LRRC37A2: variants seen among roughly 807,000 people sequenced by gnomAD.
LRRC37A2 encodes leucine rich repeat containing 37 member A2, also known as leucine-rich repeat-containing protein 37A2.
In LRRC37A2, 9 loss-of-function variants were observed where a neutral mutation model predicts 68.8. That is an observed-to-expected ratio of 0.13 (90% confidence interval 0.08 to 0.23). The LOEUF (loss-of-function observed/expected upper bound fraction) is 0.23, where lower values mean the gene tolerates loss of function less well. Among genes scored for constraint, LRRC37A2 ranks in the 10% least tolerant of loss-of-function variants. LRRC37A2 has a pLI of 1.00. For missense variants in LRRC37A2, 168 were observed against 950.4 expected, an observed-to-expected ratio of 0.18 and a Z score of 10.82; for synonymous variants, 63 against 367.6, an observed-to-expected ratio of 0.17 and a Z score of 9.48.
At chr17:46,801,854 C>T in the LRRC37A2 span, among the ~76,000 whole-genome samples, 1 of 152,140 alleles carries the variant, frequency 6.6e-6, no homozygotes, top group African/African-American at 2.4e-5. Context: ...AAGCCTTCTT[C>T]CCGATGCTGT....
At chr17:47,013,848 A>C in the LRRC37A2 span, among the ~76,000 whole-genome samples, 1 of 152,250 alleles carries the variant, frequency 6.6e-6, no homozygotes, top group Non-Finnish European at 1.5e-5. Flanking sequence ...ACTCAAGAGT[A>C]ACAGGGCTGG....
chr17:46,956,206 T>TA, the LRRC37A2 span, among the ~76,000 whole-genome samples: 14 of 151,628 alleles, frequency 9.2e-5, no homozygotes, highest in Middle Eastern at 3.4e-3. Context: ...TGCAAGGGTT[T>TA]AACTCAGATC....
At chr17:46,976,418 G>A in the LRRC37A2 span, among the ~76,000 whole-genome samples, 13 of 151,724 alleles carry the variant, frequency 8.6e-5, 1 homozygote, top group Admixed American at 3.9e-4. Flanking sequence ...ATGGTGGCGC[G>A]CGCCCATAAT....
chr17:46,879,503 TA>T, the LRRC37A2 span, among the ~76,000 whole-genome samples: 17 of 152,366 alleles, frequency 1.1e-4, no homozygotes, highest in African/African-American at 4.1e-4. Context: ...CTGGCATTTG[TA>T]AAGCACTTTG....
chr17:46,853,133 C>T, the LRRC37A2 span, among the ~76,000 whole-genome samples: 1 of 152,088 alleles, frequency 6.6e-6, no homozygotes, highest in African/African-American at 2.4e-5. Context: ...ATGGTTGTTC[C>T]CTCGGCAGGC....
At chr17:46,724,269 G>T in the LRRC37A2 span, among the ~76,000 whole-genome samples, 3 of 152,196 alleles carry the variant, frequency 2.0e-5, no homozygotes. Context: ...GAGTTATGCT[G>T]CATGAAAGGA....
At chr17:46,925,112 T>C in the LRRC37A2 span, among the ~76,000 whole-genome samples, 1 of 152,182 alleles carries the variant, frequency 6.6e-6, no homozygotes, top group African/African-American at 2.4e-5. Context: ...CCTTGGACTC[T>C]AGCAGCTTGC....
chr17:46,574,979 C>T, the LRRC37A2 span, among the ~76,000 whole-genome samples: 1 of 64,220 alleles, frequency 1.6e-5, no homozygotes, highest in African/African-American at 5.4e-5. Flanking sequence ...GTCTGTAATT[C>T]CACCTACTCA....
the LRRC37A2 span, among the ~76,000 whole-genome samples, chr17:46,985,993 G>T: frequency 6.6e-6 from 1 of 152,142 alleles, no homozygotes; most frequent in Non-Finnish European, 1.5e-5. Flanking sequence ...TAATACCTAC[G>T]TTCTCCAAAC....
At chr17:46,903,357 A>G in the LRRC37A2 span, among the ~76,000 whole-genome samples, 2 of 151,774 alleles carry the variant, frequency 1.3e-5, no homozygotes, top group African/African-American at 4.8e-5. Context: ...CAGTCCCCAG[A>G]TGTGTGGTAG....
In LRRC37A2 at chr17:46,547,149, T is replaced by C. The variant is rs1473459566; in HGVS notation, c.3172+776T>C. On this transcript the variant is annotated intron_variant, in intron 9 of 14. Transcript: ENST00000576629. ...TACATAAAGTCAGTGTTGCTTATTT[T>C]TCAAAACTTTTTTTTTTTTTTTTTT... is the stretch of plus-strand genomic sequence containing the variant. 3 of 63,092 alleles carry C rather than the reference T, an allele frequency of 4.8e-5. 1 individual carries two copies. Among genetic ancestry groups the C allele is most frequent in the Non-Finnish European group, 1.0e-4 (3 of 29,994 alleles). 3.9% of individuals were successfully genotyped at this position (63,092 alleles called of 1,614,324 possible). A position where few individuals can be genotyped will look rare whatever the true frequency, so the allele number is the denominator to read the frequency against.
chr17:46,900,180 T>TATATATATATACACAC, the LRRC37A2 span, among the ~76,000 whole-genome samples: 1 of 117,234 alleles, frequency 8.5e-6, no homozygotes, highest in Admixed American at 8.1e-5. Context: ...TATATATATA[T>TATATATATATACACAC]ATATATATAT....
the LRRC37A2 span, chr17:46,978,629 C>A: frequency 1.8e-5 from 28 of 1,574,378 alleles, no homozygotes; most frequent in Non-Finnish European, 2.4e-5. Context: ...CTGGCGAGGG[C>A]GGACCCAGAT....
chr17:46,849,773 C>T, the LRRC37A2 span, among the ~76,000 whole-genome samples: 1 of 152,104 alleles, frequency 6.6e-6, no homozygotes, highest in East Asian at 1.9e-4. Context: ...GTTGTAAACA[C>T]CATCACACCC....
chr17:46,813,073 A>G, the LRRC37A2 span, among the ~76,000 whole-genome samples: 8 of 152,026 alleles, frequency 5.3e-5, no homozygotes, highest in Non-Finnish European at 8.8e-5. Context: ...TGGAAGTGCA[A>G]GCAGGTTGGC....
At chr17:46,766,964 GA>G in the LRRC37A2 span, among the ~76,000 whole-genome samples, 1 of 152,284 alleles carries the variant, frequency 6.6e-6, no homozygotes, top group East Asian at 1.9e-4. Flanking sequence ...CCAGGTCTAT[GA>G]AGAATTTCTT....
chr17:46,755,413 C>T, the LRRC37A2 span: 3 of 1,463,254 alleles, frequency 2.1e-6, no homozygotes, highest in Non-Finnish European at 2.9e-6. Context: ...AAACTTACCA[C>T]CCTGTTAAAT....
chr17:46,986,595 G>A, the LRRC37A2 span, among the ~76,000 whole-genome samples: 1 of 152,210 alleles, frequency 6.6e-6, no homozygotes, highest in Non-Finnish European at 1.5e-5. Context: ...GTCACAACAA[G>A]GGAATGTAGC....
the LRRC37A2 span, among the ~76,000 whole-genome samples, chr17:46,720,991 A>C: frequency 6.6e-6 from 1 of 152,306 alleles, no homozygotes; most frequent in Non-Finnish European, 1.5e-5. Flanking sequence ...CCTGTCCCAC[A>C]CACAGGTGGC....
Sources: allele counts gnomAD v4.1 joint callset (sites outside exome capture counted in the v4.1 genomes callset), GRCh38; gene constraint gnomAD v4.1.1; transcripts MANE v1.5; gene names NCBI Gene and HGNC (gene_info 2026-07-23, HGNC 2026-07-21).